Variants in PCSK2 observed in about 807,000 individuals in gnomAD.
The protein encoded by PCSK2 is proprotein convertase subtilisin/kexin type 2, also known as neuroendocrine convertase 2.
PCSK2 carries 14 observed loss-of-function variants against 69.7 expected under a neutral mutation model. The observed-to-expected ratio is 0.20, with a 90% CI of 0.13 to 0.31. The LOEUF (loss-of-function observed/expected upper bound fraction) is 0.31, where lower values mean the gene tolerates loss of function less well. Among genes scored for constraint, PCSK2 ranks in the 10% least tolerant of loss-of-function variants. PCSK2 has a pLI of 1.00. For missense variants in PCSK2, 544 were observed against 842.5 expected, an observed-to-expected ratio of 0.65 and a Z score of 4.39; for synonymous variants, 307 against 320.7, an observed-to-expected ratio of 0.96 and a Z score of 0.46.
chr20:17,449,131 G>C (rs4450680), intron 8 of PCSK2, among the ~76,000 whole-genome samples: 100,940 of 152,024 alleles, frequency 0.66, 33,864 homozygotes, highest in African/African-American at 0.75. Flanking sequence ...CTGCCTCAAG[G>C]CTCCACTTCC....
intron 2 of PCSK2, among the ~76,000 whole-genome samples, chr20:17,278,863 A>G (rs975994946): frequency 3.3e-5 from 5 of 151,370 alleles, no homozygotes; most frequent in Admixed American, 2.6e-4. Context: ...TTTTTTTTTA[A>G]CTTGCTCACT....
intron 2 of PCSK2, among the ~76,000 whole-genome samples, chr20:17,329,860 G>A (rs929306453): frequency 2.6e-5 from 4 of 151,984 alleles, no homozygotes; most frequent in Admixed American, 1.3e-4. Flanking sequence ...CCTCTATATC[G>A]AGCCCCTCTT....
intron 11 of PCSK2, among the ~76,000 whole-genome samples, chr20:17,470,474 C>A (rs1308349156): frequency 5.3e-5 from 8 of 152,078 alleles, no homozygotes; most frequent in Admixed American, 4.6e-4. Flanking sequence ...GAAGGGGTGT[C>A]AAGAAGATGA....
chr20:17,323,960 G>C (rs879444187), intron 2 of PCSK2, among the ~76,000 whole-genome samples: 3 of 152,208 alleles, frequency 2.0e-5, no homozygotes, highest in Admixed American at 2.0e-4. Flanking sequence ...GAAGTTCTGA[G>C]TAGTGAATGC....
intron 2 of PCSK2, among the ~76,000 whole-genome samples, chr20:17,307,830 TA>T (rs1002343486): frequency 5.3e-5 from 8 of 152,142 alleles, no homozygotes; most frequent in African/African-American, 1.4e-4. Flanking sequence ...CACTTTGCTA[TA>T]AAAAAACACC....
At chr20:17,409,988 C>A (rs16999120) in intron 6 of PCSK2, among the ~76,000 whole-genome samples, 2 of 152,186 alleles carry the variant, frequency 1.3e-5, no homozygotes, top group African/African-American at 4.8e-5. Context: ...TAAAGATGTG[C>A]GGTTTGCTCA....
intron 5 of PCSK2, among the ~76,000 whole-genome samples, chr20:17,406,447 G>C (rs755055779): frequency 1.3e-5 from 2 of 151,118 alleles, no homozygotes; most frequent in African/African-American, 2.4e-5. Context: ...AAAATAATTG[G>C]GGTTCCTGAG....
intron 2 of PCSK2, among the ~76,000 whole-genome samples, chr20:17,304,977 C>T (rs1989282540): frequency 6.6e-6 from 1 of 152,160 alleles, no homozygotes; most frequent in African/African-American, 2.4e-5. Context: ...CAGCTCCTCC[C>T]AGCTCTCTCT....
chr20:17,421,899 A>G (rs2032139322), intron 6 of PCSK2, among the ~76,000 whole-genome samples: 1 of 151,888 alleles, frequency 6.6e-6, no homozygotes, highest in Admixed American at 6.6e-5. Flanking sequence ...AATGCCTGAA[A>G]AAAATACACC....
chr20:17,459,489 T>G (rs1199966747), intron 10 of PCSK2, among the ~76,000 whole-genome samples: 1 of 152,216 alleles, frequency 6.6e-6, no homozygotes, highest in African/African-American at 2.4e-5. Context: ...CTAGTAGATA[T>G]CGTCAAATAG....
At chr20:17,300,393 G>GTTCCCCAGAGGTCCTTGCCCA (rs1299080921) in intron 2 of PCSK2, among the ~76,000 whole-genome samples, 3 of 152,232 alleles carry the variant, frequency 2.0e-5, no homozygotes, top group Non-Finnish European at 4.4e-5. Context: ...GCATAGATGG[G>GTTCCCCAGAGGTCCTTGCCCA]TTCCCCAGAG....
intron 2 of PCSK2, among the ~76,000 whole-genome samples, chr20:17,320,074 T>A (rs1475048738): frequency 6.6e-6 from 1 of 152,114 alleles, no homozygotes; most frequent in South Asian, 2.1e-4. Flanking sequence ...AACAAGCAGA[T>A]GTAATGAGGG....
intron 2 of PCSK2, among the ~76,000 whole-genome samples, chr20:17,331,717 T>A (rs1303506125): frequency 6.6e-6 from 1 of 151,888 alleles, no homozygotes; most frequent in Non-Finnish European, 1.5e-5. Context: ...ATGACAGCAA[T>A]GGTGGTTCAT....
At chr20:17,229,314 C>T (rs1205081455) in intron 1 of PCSK2, among the ~76,000 whole-genome samples, 3 of 151,642 alleles carry the variant, frequency 2.0e-5, no homozygotes, top group Admixed American at 6.6e-5. Context: ...CCCAAGCAAG[C>T]TAGGTGCTTT....
chr20:17,418,662 G>A (rs780057113), intron 6 of PCSK2, among the ~76,000 whole-genome samples: 2 of 152,180 alleles, frequency 1.3e-5, no homozygotes, highest in Non-Finnish European at 2.9e-5. Context: ...CCAATAGCCT[G>A]GAGCCTGGCA....
At chr20:17,391,150 A>G (rs1362180250) in intron 5 of PCSK2, among the ~76,000 whole-genome samples, 2 of 152,236 alleles carry the variant, frequency 1.3e-5, no homozygotes, top group East Asian at 3.8e-4. Flanking sequence ...TACATGCAAT[A>G]TTAATTTTAA....
At chr20:17,299,362 T>A (rs1989003290) in intron 2 of PCSK2, among the ~76,000 whole-genome samples, 1 of 152,206 alleles carries the variant, frequency 6.6e-6, no homozygotes, top group Non-Finnish European at 1.5e-5. Flanking sequence ...TATGTCTTGT[T>A]TCATCAAATC....
chr20:17,297,247 G>A (rs1988925210), intron 2 of PCSK2, among the ~76,000 whole-genome samples: 1 of 152,220 alleles, frequency 6.6e-6, no homozygotes, highest in African/African-American at 2.4e-5. Flanking sequence ...GCCAGACAGA[G>A]ACGTGGAGTC....
At chr20:17,445,495 G>A (rs1568653479) in intron 8 of PCSK2, among the ~76,000 whole-genome samples, 4 of 152,226 alleles carry the variant, frequency 2.6e-5, no homozygotes. Context: ...GCTGCAAAGG[G>A]CAAAGCACAG....
Sources: gnomAD v4.1 joint callset for allele counts (sites outside exome capture counted in the v4.1 genomes callset) on GRCh38, gnomAD v4.1.1 for gene constraint, MANE v1.5 for transcripts, NCBI Gene and HGNC (gene_info 2026-07-23, HGNC 2026-07-21) for gene names.